HSPA12A: variants seen among roughly 807,000 people sequenced by gnomAD.
HSPA12A encodes the protein heat shock protein family A (Hsp70) member 12A.
In HSPA12A, 28 loss-of-function variants were observed where a neutral mutation model predicts 69.2. The observed-to-expected ratio is 0.40, with a 90% CI of 0.30 to 0.55. The LOEUF (loss-of-function observed/expected upper bound fraction) is 0.55, where lower values mean the gene tolerates loss of function less well. Ranked by LOEUF, HSPA12A falls within the 20% of genes least tolerant of loss-of-function variation. The pLI, the probability that HSPA12A is intolerant of heterozygous loss-of-function variation, is 0.38. For missense variants in HSPA12A, 686 were observed against 900.7 expected, an observed-to-expected ratio of 0.76 and a Z score of 3.05; for synonymous variants, 345 against 370.5, an observed-to-expected ratio of 0.93 and a Z score of 0.79.
intron 3 of HSPA12A, among the ~76,000 whole-genome samples, chr10:116,703,455 G>A (rs892448335): frequency 1.3e-5 from 2 of 151,820 alleles, no homozygotes; most frequent in Admixed American, 1.3e-4. Flanking sequence ...GATCACTTCA[G>A]CCCAGGAGTT....
At chr10:116,768,987 C>A (rs1382225112) in intron 2 of HSPA12A, among the ~76,000 whole-genome samples, 1 of 152,190 alleles carries the variant, frequency 6.6e-6, no homozygotes, top group African/African-American at 2.4e-5. Flanking sequence ...TCCACACTGG[C>A]CTGACCTGTA....
intron 2 of HSPA12A, among the ~76,000 whole-genome samples, chr10:116,808,148 T>C (rs889875560): frequency 1.1e-4 from 16 of 152,228 alleles, no homozygotes; most frequent in African/African-American, 3.4e-4. Context: ...CCCAGGGCTT[T>C]TGGAGGAATA....
At chr10:116,829,106 C>A (rs113040070) in intron 2 of HSPA12A, 9,277 of 152,206 alleles carry the variant, frequency 0.061, 902 homozygotes, top group African/African-American at 0.21. Context: ...ATAACCCCCA[C>A]GTGTCAAGGG....
chr10:116,737,923 C>T lies in HSPA12A; in HGVS notation c.40+4507G>A, dbSNP rs7904754. Among the ~76,000 whole-genome samples, 430 of 152,338 alleles carry T rather than the reference C, an allele frequency of 2.8e-3. 1 individual carries two copies. The highest frequency in any genetic ancestry group is 9.8e-3 in the African/African-American group (406 of 41,576). ...TGAGCACTGCCTGTGCTTCCTTGGT[C>T]GTCTCCTCGCTGGCCCCGCTCACTC... On this transcript the variant is annotated intron_variant, in intron 1 of 11. Coordinates refer to ENST00000369209, the MANE Select transcript of HSPA12A (RefSeq NM_025015.3).
rs191996741 is a variant in HSPA12A, at chr10:116,720,261, G to A, written c.41-12976C>T. Reference sequence around the variant, plus strand: ...GTCACCGCCACCCACCCTGGGCACCGCCCCCTCCCTCCTCCAACCTCTGTG... The same window carrying A: ...GTCACCGCCACCCACCCTGGGCACCACCCCCTCCCTCCTCCAACCTCTGTG... On this transcript the variant is annotated intron_variant, in intron 1 of 11. Transcript: ENST00000369209. 1.1e-3 allele frequency among the ~76,000 whole-genome samples: 165 copies of A among 152,098 alleles called. No homozygotes were observed. The East Asian group carries it at 0.024, about 23-fold the overall frequency.
intron 2 of HSPA12A, among the ~76,000 whole-genome samples, chr10:116,822,343 G>C (rs975680134): frequency 3.3e-5 from 5 of 152,210 alleles, no homozygotes; most frequent in Non-Finnish European, 7.3e-5. Flanking sequence ...CATGATAAGA[G>C]AACAACTGGC....
chr10:116,844,723 T>C (rs1845852202), intron 1 of HSPA12A, among the ~76,000 whole-genome samples: 1 of 152,164 alleles, frequency 6.6e-6, no homozygotes, highest in African/African-American at 2.4e-5. Flanking sequence ...TCAACAGAGA[T>C]GTCAAGTGTG....
chr10:116,774,247 G>A (rs2133123560), intron 2 of HSPA12A, among the ~76,000 whole-genome samples: 1 of 152,176 alleles, frequency 6.6e-6, no homozygotes, highest in Non-Finnish European at 1.5e-5. Flanking sequence ...CTGACCTCGT[G>A]ATCCGCCCGC....
intron 1 of HSPA12A, among the ~76,000 whole-genome samples, chr10:116,709,530 G>C (rs548522672): frequency 6.6e-6 from 1 of 151,400 alleles, no homozygotes; most frequent in Non-Finnish European, 1.5e-5. Flanking sequence ...TAAAAAGGAA[G>C]AACATTCTTA....
At chr10:116,692,329 C>T in intron 6 of HSPA12A, 22 bp downstream of exon 6, 1 of 1,595,760 alleles carries the variant, frequency 6.3e-7, no homozygotes, top group Non-Finnish European at 8.6e-7. Flanking sequence ...CCGGCTTCCA[C>T]CCGCCCTGAC....
At chr10:116,735,957 C>T (rs1554886399) in intron 1 of HSPA12A, among the ~76,000 whole-genome samples, 1 of 152,132 alleles carries the variant, frequency 6.6e-6, no homozygotes, top group Non-Finnish European at 1.5e-5. Flanking sequence ...GATCACGCCA[C>T]TGCTCTCCAG....
chr10:116,687,458 AGAGAGCTGAG>A (rs1290234181), intron 6 of HSPA12A, among the ~76,000 whole-genome samples: 2 of 152,188 alleles, frequency 1.3e-5, no homozygotes, highest in Non-Finnish European at 2.9e-5. Context: ...AAGCCACAGT[AGAGAGCTGAG>A]GAGAGGTGAG....
At position 116,678,652 on chromosome 10, in the gene HSPA12A, GAATTATT is replaced by G. The variant is rs1166151467; in HGVS notation, c.1286+844_1286+850del. 1.4e-3 allele frequency among the ~76,000 whole-genome samples: 218 copies of G among 151,804 alleles called. 1 individual carries two copies. Among genetic ancestry groups the G allele is most frequent in the African/African-American group, 4.9e-3 (203 of 41,454 alleles). ...TAATTAGATACTTGATAATATTGAGGAATTATTAATTGTTAAGTGTTATCGTGGTATT... is the reference window on the plus strand; with the variant it reads ...TAATTAGATACTTGATAATATTGAGGAATTGTTAAGTGTTATCGTGGTATT... On this transcript the variant is annotated intron_variant, in intron 10 of 11. Transcript: ENST00000369209.
chr10:116,675,839 T>C lies in HSPA12A; in HGVS notation c.1391-421A>G, dbSNP rs4752001. ...CTGATTTGGTAGGCGGGGGACAGGA[T>C]ACTGAAAGAGGTCCTGGTGAGTTTG... On this transcript the variant is annotated intron_variant, in intron 11 of 11. Coordinates refer to ENST00000369209, the MANE Select transcript of HSPA12A (RefSeq NM_025015.3). This position sits in a 1 kb window ranked among gnomAD's most constrained non-coding sequence, Gnocchi z 5.2. Among the ~76,000 whole-genome samples the C allele has an allele frequency of 0.62, 93,914 of 152,086 alleles. 30,069 individuals are homozygous for C. The highest frequency in any genetic ancestry group is 0.78 in the South Asian group (3,732 of 4,806).
chr10:116,795,658 C>T (rs1589711176), intron 2 of HSPA12A, among the ~76,000 whole-genome samples: 1 of 134,132 alleles, frequency 7.5e-6, no homozygotes, highest in African/African-American at 3.1e-5. Context: ...TGCACTCCAG[C>T]ATGGGCAACA....
chr10:116,831,874 A>C (rs1463465619), intron 2 of HSPA12A: 1 of 152,166 alleles, frequency 6.6e-6, no homozygotes, highest in African/African-American at 2.4e-5. Flanking sequence ...ACTTTTTAGC[A>C]CTCAAAAGGG....
chr10:116,812,359 A>C (rs1215886841), intron 2 of HSPA12A, among the ~76,000 whole-genome samples: 3 of 152,122 alleles, frequency 2.0e-5, no homozygotes, highest in African/African-American at 7.2e-5. Flanking sequence ...AGGCTGAGGC[A>C]GGAGAATCGC....
chr10:116,699,501 A>C (rs1387304852), intron 4 of HSPA12A, among the ~76,000 whole-genome samples: 2 of 151,048 alleles, frequency 1.3e-5, no homozygotes, highest in Non-Finnish European at 3.0e-5. Context: ...AGGGGGAAAA[A>C]AATCACTGGG....
intron 2 of HSPA12A, among the ~76,000 whole-genome samples, chr10:116,822,014 G>A (rs974969226): frequency 1.8e-4 from 28 of 152,344 alleles, no homozygotes; most frequent in Middle Eastern, 3.4e-3. Flanking sequence ...ACAGCTTTGC[G>A]TGCTATGCCT....
Sources: gnomAD v4.1 joint callset for allele counts (sites outside exome capture counted in the v4.1 genomes callset) on GRCh38, gnomAD v4.1.1 for gene constraint, Gnocchi (gnomAD v3.1) non-coding constraint, MANE v1.5 for transcripts, NCBI Gene and HGNC (gene_info 2026-07-23, HGNC 2026-07-21) for gene names.